TMEM74: variants seen among roughly 807,000 people sequenced by gnomAD.
TMEM74 encodes transmembrane protein 74.
TMEM74 carries 13 observed loss-of-function variants against 18.1 expected under a neutral mutation model. The observed-to-expected ratio is 0.72, with a 90% CI of 0.47 to 1.14. TMEM74 has a LOEUF of 1.14. Among genes scored for constraint, TMEM74 ranks in the 50% most tolerant of loss-of-function variants. TMEM74 has a pLI of 0.00. For synonymous variants in TMEM74, 159 were observed against 146.6 expected (o/e 1.08, Z -0.61); for missense variants, 372 against 375.9 (o/e 0.99, Z 0.09).
chr8:108,675,981 A>G (rs1813052786), intron 1 of TMEM74, among the ~76,000 whole-genome samples: 1 of 152,234 alleles, frequency 6.6e-6, no homozygotes, highest in African/African-American at 2.4e-5. Context: ...AAGAAAAACA[A>G]AAAGGATAGG....
intron 1 of TMEM74, among the ~76,000 whole-genome samples, chr8:108,786,325 T>G (rs1814384695): frequency 6.6e-6 from 1 of 152,208 alleles, no homozygotes; most frequent in African/African-American, 2.4e-5. Flanking sequence ...AAATTCACTT[T>G]CCACTATCAT....
In TMEM74 at chr8:108,660,508, T is replaced by C. The variant is rs1187125036; in HGVS notation, n.120-5071A>G. On this transcript the variant is annotated intron_variant and non_coding_transcript_variant, in intron 1 of 3. Transcript: ENST00000518838. ...AACTTCACTCACACCCTCAACTCCATAGCAGAAACCTTACCCAGTCCCTGA... is the reference window on the plus strand; with the variant it reads ...AACTTCACTCACACCCTCAACTCCACAGCAGAAACCTTACCCAGTCCCTGA... Among the ~76,000 whole-genome samples, 5 of 152,210 alleles carry C rather than the reference T, an allele frequency of 3.3e-5. No homozygotes were observed. The South Asian group carries it at 6.2e-4, about 19-fold the overall frequency.
At chr8:108,775,426 T>A (rs1326661387), downstream of TMEM74, among the ~76,000 whole-genome samples, 1 of 152,192 alleles carries the variant, frequency 6.6e-6, no homozygotes, top group African/African-American at 2.4e-5. Flanking sequence ...TTATTAAGGC[T>A]CAAACAGTCT....
chr8:108,634,319 T>C (rs911456216), intron 2 of TMEM74, among the ~76,000 whole-genome samples: 2 of 151,940 alleles, frequency 1.3e-5, no homozygotes, highest in Non-Finnish European at 1.5e-5. Flanking sequence ...AAAAATCATG[T>C]TTTGGCACTT....
At chr8:108,706,121 C>A (rs1813394057) in intron 1 of TMEM74, among the ~76,000 whole-genome samples, 1 of 152,230 alleles carries the variant, frequency 6.6e-6, no homozygotes, top group Non-Finnish European at 1.5e-5. Context: ...AGAGGCACAG[C>A]TAAGCACAGT....
chr8:108,619,105 C>A (rs924653578), intron 2 of TMEM74, among the ~76,000 whole-genome samples: 3 of 151,962 alleles, frequency 2.0e-5, no homozygotes, highest in African/African-American at 7.3e-5. Flanking sequence ...TATCATCAAG[C>A]CTATAGGTGA....
chr8:108,667,344 G>A (rs1292590248), intron 1 of TMEM74, among the ~76,000 whole-genome samples: 1 of 152,036 alleles, frequency 6.6e-6, no homozygotes, highest in Non-Finnish European at 1.5e-5. Flanking sequence ...GTAAAATGAT[G>A]TATTTTCCCG....
intron 2 of TMEM74, among the ~76,000 whole-genome samples, chr8:108,628,785 C>A (rs571804574): frequency 6.6e-6 from 1 of 152,162 alleles, no homozygotes; most frequent in Admixed American, 6.6e-5. Flanking sequence ...CACATCCTCG[C>A]CAGCATCTGT....
chr8:108,729,631 A>G (rs983353389), intron 1 of TMEM74, among the ~76,000 whole-genome samples: 1 of 152,238 alleles, frequency 6.6e-6, no homozygotes, highest in African/African-American at 2.4e-5. Context: ...AGAATATTAT[A>G]GATATTTCCC....
intron 1 of TMEM74, among the ~76,000 whole-genome samples, chr8:108,681,531 T>A (rs974516313): frequency 1.3e-5 from 2 of 152,052 alleles, no homozygotes; most frequent in African/African-American, 4.8e-5. Flanking sequence ...ATGGATTAAG[T>A]TCTCTTAAAT....
At chr8:108,637,106 A>G (rs1291615577) in intron 2 of TMEM74, among the ~76,000 whole-genome samples, 2 of 152,112 alleles carry the variant, frequency 1.3e-5, no homozygotes, top group Non-Finnish European at 2.9e-5. Context: ...TGACAAGCGA[A>G]AGTTCAAGCA....
At chr8:108,713,774 G>T (rs1813495377) in intron 1 of TMEM74, among the ~76,000 whole-genome samples, 1 of 152,192 alleles carries the variant, frequency 6.6e-6, no homozygotes, top group Non-Finnish European at 1.5e-5. Flanking sequence ...CTGAGAAGTT[G>T]CAGGACAAGC....
chr8:108,611,684 T>C (rs1812335545), intron 2 of TMEM74, among the ~76,000 whole-genome samples: 1 of 152,232 alleles, frequency 6.6e-6, no homozygotes, highest in Admixed American at 6.5e-5. Flanking sequence ...TTCATCTCCT[T>C]TCCAATTAAT....
intron 1 of TMEM74, among the ~76,000 whole-genome samples, chr8:108,656,995 T>A (rs937675657): frequency 6.6e-6 from 1 of 152,126 alleles, no homozygotes; most frequent in Non-Finnish European, 1.5e-5. Context: ...TCATAACAAA[T>A]GTAAACCTCT....
intron 1 of TMEM74, among the ~76,000 whole-genome samples, chr8:108,655,869 A>G (rs1321056619): frequency 6.6e-6 from 1 of 152,224 alleles, no homozygotes; most frequent in East Asian, 1.9e-4. Context: ...ACATCAAACA[A>G]TATATTCTAG....
intron 1 of TMEM74, 43 bp from the exon 2 acceptor site, chr8:108,785,180 A>G (rs1319363671): frequency 6.9e-7 from 1 of 1,439,330 alleles, no homozygotes; most frequent in African/African-American, 1.4e-5. Context: ...AACAGAAGCT[A>G]AGGTTGTACT....
intron 2 of TMEM74, among the ~76,000 whole-genome samples, chr8:108,609,273 T>C (rs1368706385): frequency 6.6e-6 from 1 of 152,230 alleles, no homozygotes. Flanking sequence ...CTAAAATAAG[T>C]TCTTTCAGGA....
chr8:108,786,686 A>G (rs536586166), intron 1 of TMEM74, among the ~76,000 whole-genome samples: 2 of 152,330 alleles, frequency 1.3e-5, no homozygotes, highest in African/African-American at 4.8e-5. Context: ...GGATCCCTCA[A>G]TGAATGAAGT....
At chr8:108,684,387 C>T (rs1377200037) in intron 1 of TMEM74, among the ~76,000 whole-genome samples, 2 of 151,814 alleles carry the variant, frequency 1.3e-5, no homozygotes, top group African/African-American at 4.8e-5. Context: ...GATTTGAACC[C>T]ATTTATATGT....
Sources: allele counts gnomAD v4.1 joint callset (sites outside exome capture counted in the v4.1 genomes callset), GRCh38; gene constraint gnomAD v4.1.1; transcripts MANE v1.5; gene names NCBI Gene and HGNC (gene_info 2026-07-23, HGNC 2026-07-21).